The following PCDH15 variants were observed in gnomAD, a reference collection of about 807,000 sequenced individuals.
The protein encoded by PCDH15 is protocadherin-15.
In PCDH15, 129 loss-of-function variants were observed where a neutral mutation model predicts 178.5. That is an observed-to-expected ratio of 0.72 (90% CI 0.63 to 0.84). PCDH15 has a LOEUF of 0.84. PCDH15 is among the 40% of genes least tolerant of loss of function. The pLI is 0.00. For missense variants in PCDH15, 2,230 were observed against 2,099.9 expected, an observed-to-expected ratio of 1.06 and a Z score of -1.21; for synonymous variants, 800 against 732.0, an observed-to-expected ratio of 1.09 and a Z score of -1.50.
chr10:54,383,629 T>TTTTG (rs1554943559), intron 3 of PCDH15, among the ~76,000 whole-genome samples: 14 of 117,534 alleles, frequency 1.2e-4, no homozygotes, highest in African/African-American at 4.6e-4. Flanking sequence ...ATGTGTGTTT[T>TTTTG]TGTGTGTGTG....
intron 8 of PCDH15, among the ~76,000 whole-genome samples, chr10:54,251,846 CTTTA>C (rs148734059): frequency 0.023 from 3,432 of 152,132 alleles, 136 homozygotes; most frequent in African/African-American, 0.078. Flanking sequence ...GTATCAATAT[CTTTA>C]TTTAACTTTC....
At chr10:53,975,676 T>C (rs560823810) in intron 21 of PCDH15, among the ~76,000 whole-genome samples, 18 of 152,324 alleles carry the variant, frequency 1.2e-4, no homozygotes, top group African/African-American at 4.3e-4. Context: ...ATTAGACTTT[T>C]GTCAGATGCA....
chr10:54,351,942 A>G (rs1944249696), intron 5 of PCDH15, among the ~76,000 whole-genome samples: 1 of 152,182 alleles, frequency 6.6e-6, no homozygotes, highest in African/African-American at 2.4e-5. Context: ...CACGAAACCG[A>G]TGGTATGCTG....
chr10:54,753,608 A>C (rs1946633138), intron 1 of PCDH15, among the ~76,000 whole-genome samples: 1 of 152,238 alleles, frequency 6.6e-6, no homozygotes, highest in Non-Finnish European at 1.5e-5. Flanking sequence ...CCACAGTGTA[A>C]AAACATTTGA....
intron 3 of PCDH15, among the ~76,000 whole-genome samples, chr10:54,857,442 T>G (rs1385907954): frequency 6.6e-6 from 1 of 152,112 alleles, no homozygotes; most frequent in Non-Finnish European, 1.5e-5. Context: ...TTATTTTATT[T>G]GATTTAAATA....
At chr10:54,889,498 A>G (rs1031915699) in intron 3 of PCDH15, among the ~76,000 whole-genome samples, 62 of 24,166 alleles carry the variant, frequency 2.6e-3, no homozygotes, top group Non-Finnish European at 4.9e-3. Context: ...GCTAATTGTG[A>G]AGATATATAT....
chr10:54,625,014 CCCCCA>C (rs1456865497), intron 2 of PCDH15, among the ~76,000 whole-genome samples: 2 of 151,894 alleles, frequency 1.3e-5, no homozygotes, highest in African/African-American at 4.8e-5. Context: ...TAAAATCATC[CCCCCA>C]CCCCACTGGG....
At chr10:54,438,034 T>C (rs1405890492) in intron 3 of PCDH15, among the ~76,000 whole-genome samples, 5 of 152,122 alleles carry the variant, frequency 3.3e-5, no homozygotes, top group Non-Finnish European at 7.4e-5. Flanking sequence ...TTTTGGTAAA[T>C]TTGACTTACT....
chr10:54,559,049 A>G lies in PCDH15; in HGVS notation c.92-31172T>C, dbSNP rs540042694. Among the ~76,000 whole-genome samples the G allele has an allele frequency of 6.6e-5, 10 of 152,196 alleles. No homozygotes were observed. In the South Asian group the frequency reaches 1.7e-3, roughly 25 times the overall value. On this transcript the variant is annotated intron_variant, in intron 2 of 37. Transcript: ENST00000644397. ...GGTTCCTCATGAATTTGACTCTAAGAAATTGTGAAATCTCGGGGAAGACAC... is the reference window on the plus strand; with the variant it reads ...GGTTCCTCATGAATTTGACTCTAAGGAATTGTGAAATCTCGGGGAAGACAC...
intron 7 of PCDH15, among the ~76,000 whole-genome samples, chr10:54,322,076 T>C (rs1346928110): frequency 6.6e-6 from 1 of 151,886 alleles, no homozygotes; most frequent in African/African-American, 2.4e-5. Flanking sequence ...GCAATTGAGA[T>C]AAAAATCAAA....
At chr10:55,582,951 T>A (rs564822882) in intron 2 of PCDH15, among the ~76,000 whole-genome samples, 108 of 152,182 alleles carry the variant, frequency 7.1e-4, no homozygotes, top group Non-Finnish European at 8.5e-4. Context: ...GAATTTAAAA[T>A]CCTTTTTATT....
In PCDH15 at chr10:54,544,530, TCTG is replaced by T. The variant is rs563576253; in HGVS notation, c.92-16656_92-16654del. Among the ~76,000 whole-genome samples, 3 of 152,282 alleles carry T rather than the reference TCTG, an allele frequency of 2.0e-5. No homozygotes were observed. The South Asian group carries it at 6.2e-4, about 32-fold the overall frequency. ...ATACAGACGCCTGCAATTTTGAATATCTGCTGCTATTTATGAGGCCTTCCCAAG... is the reference window on the plus strand; with the variant it reads ...ATACAGACGCCTGCAATTTTGAATATCTGCTATTTATGAGGCCTTCCCAAG... On this transcript the variant is annotated intron_variant, in intron 2 of 37. Transcript: ENST00000644397.
At chr10:54,845,772 G>A (rs1351139347) in intron 3 of PCDH15, among the ~76,000 whole-genome samples, 2 of 151,982 alleles carry the variant, frequency 1.3e-5, no homozygotes, top group Non-Finnish European at 2.9e-5. Flanking sequence ...AAATGAGACA[G>A]CTCGGGGAAT....
At chr10:53,856,881 T>C (rs2078781719) in intron 28 of PCDH15, among the ~76,000 whole-genome samples, 1 of 152,136 alleles carries the variant, frequency 6.6e-6, no homozygotes, top group African/African-American at 2.4e-5. Context: ...TTATTATTTA[T>C]AAATGAGAGT....
At chr10:55,454,174 A>C (rs1263742239) in intron 2 of PCDH15, among the ~76,000 whole-genome samples, 1 of 152,092 alleles carries the variant, frequency 6.6e-6, no homozygotes, top group African/African-American at 2.4e-5. Flanking sequence ...TATTCTGATA[A>C]TCTAATACTA....
At position 54,752,499 on chromosome 10, in the gene PCDH15, C is replaced by T. The variant is rs1363947890; in HGVS notation, c.-29+48426G>A. Reference sequence around the variant, plus strand: ...CTCAAAAAAAAAAAAAAACAAAAAACAAAAAACAAAAAACAAACAAACAAA... The same window carrying T: ...CTCAAAAAAAAAAAAAAACAAAAAATAAAAAACAAAAAACAAACAAACAAA... On this transcript the variant is annotated intron_variant, in intron 1 of 37. Transcript: ENST00000644397. 9.0e-5 allele frequency among the ~76,000 whole-genome samples: 6 copies of T among 66,644 alleles called. 1 individual carries two copies. In the East Asian group the frequency reaches 1.3e-3, roughly 15 times the overall value. 43.7% of individuals were successfully genotyped at this position (66,644 alleles called of 152,430 possible). A position where few individuals can be genotyped will look rare whatever the true frequency, so the allele number is the denominator to read the frequency against.
intron 2 of PCDH15, among the ~76,000 whole-genome samples, chr10:55,542,132 T>TTA (rs1023136481): frequency 6.7e-4 from 100 of 148,590 alleles, no homozygotes; most frequent in Non-Finnish European, 1.1e-3. Context: ...GAAATCAGTA[T>TTA]TATATATATA....
At chr10:55,142,111 G>T (rs570004046) in intron 2 of PCDH15, among the ~76,000 whole-genome samples, 1 of 152,220 alleles carries the variant, frequency 6.6e-6, no homozygotes, top group African/African-American at 2.4e-5. Context: ...TGAAAGTAAT[G>T]AATGTGAAAG....
chr10:54,852,704 T>A (rs1483870468), intron 3 of PCDH15, among the ~76,000 whole-genome samples: 2 of 151,082 alleles, frequency 1.3e-5, no homozygotes, highest in Admixed American at 6.6e-5. Flanking sequence ...TACAAAAAAA[T>A]TAGCAGGGTG....
Sources: gnomAD v4.1 joint callset for allele counts (sites outside exome capture counted in the v4.1 genomes callset) on GRCh38, gnomAD v4.1.1 for gene constraint, MANE v1.5 for transcripts, NCBI Gene and HGNC (gene_info 2026-07-23, HGNC 2026-07-21) for gene names.